The following ONECUT1 variants were observed in gnomAD, a reference collection of about 807,000 sequenced individuals.
ONECUT1 encodes hepatocyte nuclear factor 6.
A neutral mutation model predicts 25.6 loss-of-function variants in ONECUT1; 12 were observed. The observed-to-expected ratio is 0.47, with a 90% confidence interval of 0.30 to 0.76. The LOEUF (loss-of-function observed/expected upper bound fraction) is 0.76, where lower values mean the gene tolerates loss of function less well. Ranked by LOEUF, ONECUT1 falls within the 30% of genes least tolerant of loss-of-function variation. The probability of loss-of-function intolerance (pLI) is 0.07; values close to 1 mark genes in which losing one functional copy is unlikely to be tolerated. For missense variants in ONECUT1, 620 were observed against 651.2 expected (o/e 0.95, Z 0.52); for synonymous variants, 285 against 270.2 (o/e 1.05, Z -0.54).
intron 1 of ONECUT1, among the ~76,000 whole-genome samples, chr15:52,779,388 G>A (rs761397694): frequency 1.1e-4 from 16 of 151,866 alleles, no homozygotes; most frequent in Admixed American, 7.9e-4. Context: ...GTGCCTGGCC[G>A]ACCAGTTTAT....
At chr15:52,766,171 C>T (rs2083733065) in intron 1 of ONECUT1, among the ~76,000 whole-genome samples, 1 of 152,130 alleles carries the variant, frequency 6.6e-6, no homozygotes, top group Non-Finnish European at 1.5e-5. Context: ...GCTTAAAACA[C>T]CTCCATAAAA....
intron 1 of ONECUT1, chr15:52,780,794 T>C: frequency 7.2e-7 from 1 of 1,390,320 alleles, no homozygotes; most frequent in Non-Finnish European, 9.3e-7. Flanking sequence ...GTTTATTGCG[T>C]TCCTTCGATA....
intron 1 of ONECUT1, among the ~76,000 whole-genome samples, chr15:52,768,471 G>A (rs1157869567): frequency 1.3e-5 from 2 of 152,078 alleles, no homozygotes; most frequent in Non-Finnish European, 2.9e-5. Flanking sequence ...TCAATAGTTT[G>A]CCTCCAATAA....
At chr15:52,776,314 G>A (rs1446151448) in intron 1 of ONECUT1, among the ~76,000 whole-genome samples, 2 of 152,132 alleles carry the variant, frequency 1.3e-5, no homozygotes, top group African/African-American at 2.4e-5. Flanking sequence ...TGCAGCTAAA[G>A]GTATATCCAA....
chr15:52,771,065 C>G (rs1039683327), intron 1 of ONECUT1, among the ~76,000 whole-genome samples: 19 of 152,084 alleles, frequency 1.2e-4, no homozygotes, highest in African/African-American at 4.6e-4. Flanking sequence ...GTAATTAACA[C>G]TTCTAGGAAT....
At chr15:52,781,299 C>G (rs1442313933) in intron 1 of ONECUT1, 1 of 152,204 alleles carries the variant, frequency 6.6e-6, no homozygotes, top group East Asian at 1.9e-4. Flanking sequence ...TCTGGCACTT[C>G]CTCACATTTT....
At position 52,789,741 on chromosome 15, in the gene ONECUT1, C is replaced by G; in HGVS notation, c.144G>C (p.Ala48=). 1 of 1,409,584 alleles carries G rather than the reference C, an allele frequency of 7.1e-7. No individual in the cohort carries two copies. Among genetic ancestry groups the G allele is most frequent in the Non-Finnish European group, 9.2e-7 (1 of 1,091,500 alleles). 87.3% of individuals were successfully genotyped at this position (1,409,584 alleles called of 1,614,324 possible). Residue 48 remains alanine (A), a synonymous_variant, in exon 1 of 2, where the codon GCG becomes GCC. Transcript: ENST00000305901. This position sits in a 1 kb window ranked among gnomAD's most constrained non-coding sequence, Gnocchi z 4.1. ...VAHRGSHLPP[A]HPRSMGMASL... ...ACGCCATGCCCATGGAGCGCGGGTG[C>G]GCGGGGGGCAGGTGGCTGCCGCGGT... is the stretch of plus-strand genomic sequence containing the variant.
rs1436706631 is a variant in ONECUT1, at chr15:52,757,687, C to T, written c.1266G>A (p.Leu422=). 5.6e-6 allele frequency: 9 copies of T among 1,614,162 alleles called. No individual in the cohort carries two copies. The Admixed American group carries it at 1.5e-4, about 27-fold the overall frequency. The change falls in exon 2 of 2, where the codon CTG becomes CTA. Residue 422 remains leucine, a synonymous_variant. Coordinates refer to ENST00000305901, the MANE Select transcript of ONECUT1 (RefSeq NM_004498.4). ...TGCTGACAGTGCTCAGCTCCAACCCCAGCTGCTGGGAAATGGTGATTTGCA... is the reference window on the plus strand; with the variant it reads ...TGCTGACAGTGCTCAGCTCCAACCCTAGCTGCTGGGAAATGGTGATTTGCA... The part of the protein sequence containing the change: ...KELQITISQQ[L]GLELSTVSNF...
intron 1 of ONECUT1, among the ~76,000 whole-genome samples, chr15:52,774,535 C>T (rs2440324): frequency 3.3e-5 from 5 of 152,042 alleles, no homozygotes; most frequent in South Asian, 2.1e-4. Context: ...CCTGACCTCA[C>T]GTGATCCTCC....
chr15:52,777,737 C>CACACACACAAAAAAAA (rs57187579), intron 1 of ONECUT1, among the ~76,000 whole-genome samples: 39 of 103,446 alleles, frequency 3.8e-4, no homozygotes, highest in South Asian at 6.9e-4. Flanking sequence ...CACACACACA[C>CACACACACAAAAAAAA]AAAAAAACAT....
intron 1 of ONECUT1, among the ~76,000 whole-genome samples, chr15:52,761,921 C>A (rs1328431284): frequency 5.3e-5 from 8 of 152,136 alleles, no homozygotes; most frequent in African/African-American, 1.7e-4. Context: ...GATGTGTTTG[C>A]TGGACATTCT....
At chr15:52,761,458 G>T (rs2141446282) in intron 1 of ONECUT1, among the ~76,000 whole-genome samples, 1 of 152,130 alleles carries the variant, frequency 6.6e-6, no homozygotes, top group East Asian at 1.9e-4. Flanking sequence ...ATTACTTGAG[G>T]TCAGGAGTTC....
intron 1 of ONECUT1, among the ~76,000 whole-genome samples, chr15:52,778,288 T>C (rs1486764395): frequency 6.6e-6 from 1 of 152,242 alleles, no homozygotes; most frequent in African/African-American, 2.4e-5. Flanking sequence ...ACTCATTTTT[T>C]TAAAAATAGT....
intron 1 of ONECUT1, among the ~76,000 whole-genome samples, chr15:52,760,035 TAA>T (rs1301934373): frequency 1.3e-5 from 2 of 152,124 alleles, no homozygotes; most frequent in Non-Finnish European, 1.5e-5. Context: ...TTAGTAAATA[TAA>T]GAGTGATAAT....
chr15:52,789,896 C>A lies in ONECUT1; in HGVS notation c.-12G>T, dbSNP rs776519710. 3 of 1,520,862 alleles carry A rather than the reference C, an allele frequency of 2.0e-6. No individual in the cohort carries two copies. Among genetic ancestry groups the A allele is most frequent in the Non-Finnish European group, 1.7e-6 (2 of 1,145,466 alleles). 94.2% of individuals were successfully genotyped at this position (1,520,862 alleles called of 1,614,324 possible). ...AGCTGCGCGTTCATCGTGATCCGGG[C>A]GAGCAGGCGGCGGACACAACATCGA... On this transcript the variant is annotated 5_prime_UTR_variant, in exon 1 of 2. Transcript: ENST00000305901. The surrounding 1 kb of genome is among the most constrained non-coding windows in gnomAD (Gnocchi z 4.1).
At position 52,757,109 on chromosome 15, in the gene ONECUT1, A is replaced by G. The variant is rs776779197; in HGVS notation, c.*446T>C. On this transcript the variant is annotated 3_prime_UTR_variant, in exon 2 of 2. Coordinates refer to ENST00000305901, the MANE Select transcript of ONECUT1 (RefSeq NM_004498.4). ...ACCATGTTGGTTGCACTCCTATAGA[A>G]CAACCATTTCTGAAGACCAGCTCTG... is the stretch of plus-strand genomic sequence containing the variant. 17 of 164,838 alleles carry G rather than the reference A, an allele frequency of 1.0e-4. No homozygotes were observed. The highest frequency in any genetic ancestry group is 2.0e-4 in the Non-Finnish European group (15 of 75,610). 10.2% of individuals were successfully genotyped at this position (164,838 alleles called of 1,614,324 possible).
chr15:52,757,675 C>T lies in ONECUT1; in HGVS notation c.1278G>A (p.Leu426=). The T allele has an allele frequency of 1.2e-6, 2 of 1,614,146 alleles. No homozygotes were observed. The highest frequency in any genetic ancestry group is 1.7e-6 in the Non-Finnish European group (2 of 1,180,022). The part of the protein sequence containing the change: ...ITISQQLGLE[L]STVSNFFMNA... ...TCATGAAGAAGTTGCTGACAGTGCT[C>T]AGCTCCAACCCCAGCTGCTGGGAAA... is the stretch of plus-strand genomic sequence containing the variant. Residue 426 remains leucine, a synonymous_variant, in exon 2 of 2, where the codon CTG becomes CTA. Coordinates refer to ENST00000305901, the MANE Select transcript of ONECUT1 (RefSeq NM_004498.4).
chr15:52,764,655 G>C (rs1477774144), intron 1 of ONECUT1, among the ~76,000 whole-genome samples: 3 of 152,206 alleles, frequency 2.0e-5, no homozygotes, highest in Non-Finnish European at 4.4e-5. Flanking sequence ...AGAGAAAGTG[G>C]ACTAGAGAGC....
intron 1 of ONECUT1, among the ~76,000 whole-genome samples, chr15:52,777,729 C>CAAAAAAAAAAAAAAAAAAAAAAAA (rs1309303644): frequency 2.3e-5 from 2 of 87,360 alleles, no homozygotes; most frequent in African/African-American, 1.7e-4. Context: ...CACACACACA[C>CAAAAAAAAAAAAAAAAAAAAAAAA]ACACACACAA....
Sources: gnomAD v4.1 joint callset for allele counts (sites outside exome capture counted in the v4.1 genomes callset) on GRCh38, gnomAD v4.1.1 for gene constraint, Gnocchi (gnomAD v3.1) non-coding constraint, MANE v1.5 for transcripts, NCBI Gene and HGNC (gene_info 2026-07-23, HGNC 2026-07-21) for gene names.